Variants in LRP1B observed in about 807,000 individuals in gnomAD.
The protein encoded by LRP1B is low-density lipoprotein receptor-related protein 1B.
Under a neutral mutation model 556.6 loss-of-function variants are expected in LRP1B, and 217 were observed. The observed-to-expected ratio is 0.39, with a 90% CI of 0.35 to 0.44. The LOEUF (loss-of-function observed/expected upper bound fraction) is 0.44, where lower values mean the gene tolerates loss of function less well. LRP1B is among the 20% of genes least tolerant of loss of function. The pLI is 1.00. For missense variants in LRP1B, 5,053 were observed against 5,620.8 expected (o/e 0.90, Z 3.23); for synonymous variants, 2,047 against 1,865.8 (o/e 1.10, Z -2.50).
At chr2:141,565,742 G>A (rs554292462) in intron 2 of LRP1B, among the ~76,000 whole-genome samples, 2 of 152,298 alleles carry the variant, frequency 1.3e-5, no homozygotes, top group South Asian at 2.1e-4. Context: ...ATTAAACTAA[G>A]TTACATAATG....
intron 23 of LRP1B, among the ~76,000 whole-genome samples, chr2:140,892,865 G>C (rs905221804): frequency 4.6e-5 from 7 of 152,066 alleles, no homozygotes; most frequent in African/African-American, 1.7e-4. Context: ...CATAAAGACA[G>C]TGCTGACTAA....
At chr2:141,146,234 A>T (rs1401352410) in intron 7 of LRP1B, among the ~76,000 whole-genome samples, 1 of 151,034 alleles carries the variant, frequency 6.6e-6, no homozygotes, top group African/African-American at 2.4e-5. Context: ...TTCTTAGTTC[A>T]CTCTTACCAC....
At chr2:141,840,932 GAAA>G (rs5834873) in intron 1 of LRP1B, among the ~76,000 whole-genome samples, 54 of 146,006 alleles carry the variant, frequency 3.7e-4, no homozygotes, top group African/African-American at 2.0e-4. Flanking sequence ...TGCATCTAGG[GAAA>G]AAAAAAAAAA....
intron 77 of LRP1B, among the ~76,000 whole-genome samples, chr2:140,348,443 C>A (rs1573827262): frequency 6.6e-6 from 1 of 152,074 alleles, no homozygotes; most frequent in East Asian, 1.9e-4. Context: ...ATAATTATGT[C>A]ATTTAGTTAG....
At chr2:140,739,185 T>C (rs1023890540) in intron 35 of LRP1B, among the ~76,000 whole-genome samples, 1 of 152,148 alleles carries the variant, frequency 6.6e-6, no homozygotes, top group African/African-American at 2.4e-5. Context: ...AGGTATCTTT[T>C]GAGAAAGAGA....
intron 41 of LRP1B, among the ~76,000 whole-genome samples, chr2:140,681,758 G>T (rs994623210): frequency 3.3e-5 from 5 of 152,238 alleles, no homozygotes; most frequent in African/African-American, 1.2e-4. Flanking sequence ...AAAACACTAA[G>T]TTTAAGCAAA....
At chr2:141,644,145 C>T (rs995333097) in intron 2 of LRP1B, among the ~76,000 whole-genome samples, 1 of 151,572 alleles carries the variant, frequency 6.6e-6, no homozygotes, top group East Asian at 1.9e-4. Flanking sequence ...TGATAGTTTT[C>T]CTCTCTATTA....
intron 6 of LRP1B, among the ~76,000 whole-genome samples, chr2:141,225,659 T>C (rs1683219735): frequency 6.6e-6 from 1 of 152,114 alleles, no homozygotes; most frequent in Admixed American, 6.6e-5. Flanking sequence ...ATAATAAATA[T>C]CAGTTATCGT....
chr2:140,622,303 G>A (rs1683485921), intron 41 of LRP1B, among the ~76,000 whole-genome samples: 1 of 152,128 alleles, frequency 6.6e-6, no homozygotes, highest in Non-Finnish European at 1.5e-5. Flanking sequence ...ATGAAAATAT[G>A]CATAAACAAT....
intron 3 of LRP1B, among the ~76,000 whole-genome samples, chr2:141,443,003 C>T (rs1169564368): frequency 1.3e-5 from 2 of 152,118 alleles, no homozygotes; most frequent in African/African-American, 4.8e-5. Context: ...GGAATTGACA[C>T]GCTGTCTCTT....
chr2:140,948,113 C>T (rs901781268), intron 20 of LRP1B, among the ~76,000 whole-genome samples: 10 of 152,060 alleles, frequency 6.6e-5, no homozygotes, highest in African/African-American at 2.2e-4. Context: ...ATGTAATGAT[C>T]GTTTAAACTT....
chr2:140,987,634 G>T (rs1573954975), intron 17 of LRP1B, among the ~76,000 whole-genome samples: 1 of 152,052 alleles, frequency 6.6e-6, no homozygotes, highest in Non-Finnish European at 1.5e-5. Context: ...GAAAACAGAT[G>T]ATGTTTGTTT....
At chr2:141,983,706 G>A (rs1237598230) in intron 1 of LRP1B, among the ~76,000 whole-genome samples, 1 of 152,132 alleles carries the variant, frequency 6.6e-6, no homozygotes, top group African/African-American at 2.4e-5. Context: ...GGGGGCAGGT[G>A]GGGATGGGGA....
intron 4 of LRP1B, among the ~76,000 whole-genome samples, chr2:141,252,799 G>A (rs569031537): frequency 6.6e-6 from 1 of 152,058 alleles, no homozygotes. Flanking sequence ...AAGACAGAGG[G>A]CTACCTGGAA....
At chr2:142,078,408 G>A (rs1293471303) in intron 1 of LRP1B, among the ~76,000 whole-genome samples, 3 of 151,952 alleles carry the variant, frequency 2.0e-5, no homozygotes, top group African/African-American at 7.3e-5. Context: ...AACAGTTGGC[G>A]ACCACAATAA....
chr2:140,984,875 C>A (rs147582639), intron 17 of LRP1B, among the ~76,000 whole-genome samples: 1 of 152,164 alleles, frequency 6.6e-6, no homozygotes, highest in East Asian at 1.9e-4. Flanking sequence ...ATTCCACAAA[C>A]CCCCAAGGAC....
At chr2:140,940,037 C>T (rs1037854778) in intron 20 of LRP1B, among the ~76,000 whole-genome samples, 1 of 151,926 alleles carries the variant, frequency 6.6e-6, no homozygotes, top group South Asian at 2.1e-4. Context: ...AGCTGTGCCA[C>T]CATAGCTAGC....
At chr2:141,891,595 C>T (rs1465476060) in intron 1 of LRP1B, among the ~76,000 whole-genome samples, 1 of 152,078 alleles carries the variant, frequency 6.6e-6, no homozygotes, top group Non-Finnish European at 1.5e-5. Flanking sequence ...CTTATCTGTA[C>T]TTTGTCAATA....
intron 2 of LRP1B, among the ~76,000 whole-genome samples, chr2:141,796,459 T>A (rs1258808597): frequency 6.6e-6 from 1 of 152,054 alleles, no homozygotes; most frequent in Non-Finnish European, 1.5e-5. Context: ...CTTGCCTCAA[T>A]TTGGATGCTA....
Sources: gnomAD v4.1 joint callset for allele counts (sites outside exome capture counted in the v4.1 genomes callset) on GRCh38, gnomAD v4.1.1 for gene constraint, MANE v1.5 for transcripts, NCBI Gene and HGNC (gene_info 2026-07-23, HGNC 2026-07-21) for gene names.